The following RBX1 variants were observed in gnomAD, a reference collection of about 807,000 sequenced individuals.
The protein encoded by RBX1 is ring-box 1, also known as E3 ubiquitin-protein ligase RBX1.
For synonymous variants in RBX1, 48 were observed against 47.9 expected (o/e 1.00, Z -0.01); for missense variants, 46 against 141.4 (o/e 0.33, Z 3.42).
rs1457383778 is a variant in RBX1, at chr22:40,972,566, T to C, written c.*78T>C. The stretch of plus-strand genomic sequence containing the variant: ...TCCCTGCTGTTACCTAATTACAAAT[T>C]GGATGGAACTGTGTTTTTTTCTGCT... On this transcript the variant is annotated 3_prime_UTR_variant, in exon 5 of 5. Transcript: ENST00000216225. 8.6e-7 allele frequency: 1 copy of C among 1,161,678 alleles called. No homozygotes were observed. The highest frequency in any genetic ancestry group is 1.5e-5 in the African/African-American group (1 of 65,414). 72.0% of individuals were successfully genotyped at this position (1,161,678 alleles called of 1,614,324 possible). A position where few individuals can be genotyped will look rare whatever the true frequency, so the allele number is the denominator to read the frequency against.
chr22:40,972,334 G>C, intron 4 of RBX1, 142 bp from the exon 5 acceptor site: 2 of 614,624 alleles, frequency 3.3e-6, no homozygotes, highest in South Asian at 2.0e-5. Flanking sequence ...AGCCAAGCTA[G>C]TGTCAGTGTC....
At chr22:40,970,062 A>G (rs1033378449) in intron 4 of RBX1, among the ~76,000 whole-genome samples, 1 of 150,922 alleles carries the variant, frequency 6.6e-6, no homozygotes, top group Non-Finnish European at 1.5e-5. Flanking sequence ...TTAAAAAAAA[A>G]AAAAAAAAAA....
chr22:40,955,934 C>A (rs941457163), intron 2 of RBX1, among the ~76,000 whole-genome samples: 2 of 152,144 alleles, frequency 1.3e-5, no homozygotes, highest in African/African-American at 4.8e-5. Context: ...TGGGTGGGGT[C>A]TTTGATTACA....
At chr22:40,965,441 G>GT (rs1185829644) in intron 3 of RBX1, among the ~76,000 whole-genome samples, 1 of 144,136 alleles carries the variant, frequency 6.9e-6, no homozygotes, top group Non-Finnish European at 1.5e-5. Context: ...TTTGTTTTTT[G>GT]TTTTTTGTTT....
In RBX1 at chr22:40,955,030, G is replaced by A. The variant is rs138279175; in HGVS notation, c.157+1397G>A. On this transcript the variant is annotated intron_variant, in intron 2 of 4. Transcript: ENST00000216225. ...TCGAACTCCTGACCTCGGGTGATCC[G>A]CGTGCCTCTGCCTCCCAAAGTGTTG... Among the ~76,000 whole-genome samples the A allele has an allele frequency of 5.9e-3, 895 of 152,022 alleles. 6 individuals carry two copies. The highest frequency in any genetic ancestry group is 9.4e-3 in the Non-Finnish European group (640 of 67,990).
chr22:40,967,743 C>T, intron 3 of RBX1, 56 bp from the exon 4 acceptor site: 3 of 1,466,884 alleles, frequency 2.0e-6, no homozygotes, highest in South Asian at 1.2e-5. Flanking sequence ...CCTGTTGTCG[C>T]TCGATGGCTG....
At chr22:40,957,823 C>A (rs2039127993) in intron 2 of RBX1, among the ~76,000 whole-genome samples, 1 of 151,870 alleles carries the variant, frequency 6.6e-6, no homozygotes, top group Admixed American at 6.6e-5. Flanking sequence ...ACTACCACAC[C>A]TAGCTAATTT....
intron 3 of RBX1, among the ~76,000 whole-genome samples, chr22:40,965,130 C>T (rs900240098): frequency 2.0e-5 from 3 of 152,064 alleles, no homozygotes; most frequent in Non-Finnish European, 2.9e-5. Flanking sequence ...AGTGAAACCC[C>T]GTCTCTACTA....
intron 2 of RBX1, among the ~76,000 whole-genome samples, chr22:40,959,815 G>C (rs2058335025): frequency 6.6e-6 from 1 of 151,156 alleles, no homozygotes; most frequent in Non-Finnish European, 1.5e-5. Flanking sequence ...CTGTCTAAAA[G>C]AAAAAAAGGA....
Position 40,961,623 on chromosome 22 carries a change from C to T in RBX1, c.158-2424C>T, listed in dbSNP as rs543188600. ...TAGAAACCATGTTAGCCAGGATGGGCTCGATCTCCTGACCTCGTGACCCAC... is the reference window on the plus strand; with the variant it reads ...TAGAAACCATGTTAGCCAGGATGGGTTCGATCTCCTGACCTCGTGACCCAC... On this transcript the variant is annotated intron_variant, in intron 2 of 4. Transcript: ENST00000216225. 2.0e-5 allele frequency among the ~76,000 whole-genome samples: 3 copies of T among 151,976 alleles called. No homozygotes were observed. The East Asian group carries it at 5.9e-4, about 30-fold the overall frequency.
intron 1 of RBX1, among the ~76,000 whole-genome samples, chr22:40,952,038 G>A (rs549826787): frequency 1.3e-5 from 2 of 152,232 alleles, no homozygotes; most frequent in South Asian, 4.1e-4. Context: ...TTAGAGTCTG[G>A]AGTGTAATGC....
At chr22:40,968,494 A>G (rs1322238115) in intron 4 of RBX1, among the ~76,000 whole-genome samples, 1 of 152,182 alleles carries the variant, frequency 6.6e-6, no homozygotes, top group African/African-American at 2.4e-5. Context: ...TGGACTACCT[A>G]ATGTCAGGTA....
intron 1 of RBX1, 100 bp downstream of exon 1, chr22:40,951,576 C>G (rs1157453829): frequency 8.7e-7 from 1 of 1,146,424 alleles, no homozygotes; most frequent in African/African-American, 1.6e-5. Flanking sequence ...GGTTTCATTT[C>G]AGGGCGTTCC....
intron 2 of RBX1, among the ~76,000 whole-genome samples, chr22:40,954,926 A>T (rs1301465703): frequency 6.6e-6 from 1 of 152,132 alleles, no homozygotes; most frequent in East Asian, 1.9e-4. Flanking sequence ...AGCTGGGATT[A>T]CAGGCACCTG....
intron 3 of RBX1, chr22:40,966,905 C>T (rs2058355867): frequency 6.6e-6 from 1 of 152,142 alleles, no homozygotes; most frequent in Non-Finnish European, 1.5e-5. Flanking sequence ...GAGAAGTGCT[C>T]ATTGCAGAAG....
At chr22:40,951,589 G>C in intron 1 of RBX1, 113 bp downstream of exon 1, 2 of 1,009,758 alleles carry the variant, frequency 2.0e-6, no homozygotes, top group South Asian at 1.5e-5. Context: ...GGCGTTCCTG[G>C]GACCGGGTAC....
intron 2 of RBX1, among the ~76,000 whole-genome samples, chr22:40,961,982 G>C (rs1601537186): frequency 1.3e-5 from 2 of 152,012 alleles, no homozygotes; most frequent in East Asian, 3.9e-4. Context: ...AGGGGGTTTT[G>C]CCATGTTTGC....
At chr22:40,971,567 A>T (rs541569565) in intron 4 of RBX1, among the ~76,000 whole-genome samples, 3 of 151,926 alleles carry the variant, frequency 2.0e-5, no homozygotes, top group South Asian at 2.1e-4. Context: ...TTATATATAT[A>T]TTTTTTGAGA....
In RBX1 at chr22:40,962,476, G is replaced by GT. The variant is rs1199883125; in HGVS notation, c.158-1563dup. On this transcript the variant is annotated intron_variant, in intron 2 of 4. Transcript: ENST00000216225. ...CACATGCCCATTAACATCTAGTTTT[G>GT]TTTTTTTTAATAGTTTTACTTTTTT... is the stretch of plus-strand genomic sequence containing the variant. 5.7e-5 allele frequency among the ~76,000 whole-genome samples: 8 copies of GT among 139,526 alleles called. No individual in the cohort carries two copies. The East Asian group carries it at 8.4e-4, about 15-fold the overall frequency. The allele number at this position is 139,526 out of a possible 152,430, so 91.5% of individuals were successfully genotyped here. A position where few individuals can be genotyped will look rare whatever the true frequency, so the allele number is the denominator to read the frequency against.
Sources: gnomAD v4.1 joint callset for allele counts (sites outside exome capture counted in the v4.1 genomes callset) on GRCh38, gnomAD v4.1.1 for gene constraint, MANE v1.5 for transcripts, NCBI Gene and HGNC (gene_info 2026-07-23, HGNC 2026-07-21) for gene names.